The following IKZF4 variants were observed in gnomAD, a reference collection of about 807,000 sequenced individuals.
The protein encoded by IKZF4 is zinc finger protein Eos.
A neutral mutation model predicts 47.7 loss-of-function variants in IKZF4; 11 were observed. That is an observed-to-expected ratio of 0.23 (90% confidence interval 0.15 to 0.38). IKZF4 has a LOEUF of 0.38. Ranked by LOEUF, IKZF4 falls within the 10% of genes least tolerant of loss-of-function variation. The pLI, the probability that IKZF4 is intolerant of heterozygous loss-of-function variation, is 1.00. For synonymous variants in IKZF4, 298 were observed against 299.4 expected (o/e 1.00, Z 0.05); for missense variants, 557 against 784.9 (o/e 0.71, Z 3.47).
Position 56,021,501 on chromosome 12 carries a change from C to T in IKZF4, c.8C>T (p.Thr3Ile). 6.2e-7 allele frequency: 1 copy of T among 1,603,124 alleles called. No individual in the cohort carries two copies. Among genetic ancestry groups the T allele is most frequent in the Non-Finnish European group, 8.5e-7 (1 of 1,175,720 alleles). MH[T>I]PPALPRRFQG... ...TGCCACTGAGACGCAGACATGCATACACCACCCGCACTCCCTCGCCGTTTC... is the reference window on the plus strand; with the variant it reads ...TGCCACTGAGACGCAGACATGCATATACCACCCGCACTCCCTCGCCGTTTC... The change falls in exon 1 of 8, where the codon ACA becomes ATA. Residue 3 changes from threonine to isoleucine, a missense_variant. Thr to Ile is a moderately conservative substitution (Grantham distance 89). Transcript: ENST00000547167.
At chr12:56,033,105 C>G (rs772367601) in intron 6 of IKZF4, 85 bp from the exon 7 acceptor site, 183 of 1,534,112 alleles carry the variant, frequency 1.2e-4, no homozygotes, top group Non-Finnish European at 1.6e-4. Flanking sequence ...GGCTACTGAC[C>G]TGCTGGTTTT....
At chr12:56,027,565 C>A (rs1411243869) in intron 4 of IKZF4, among the ~76,000 whole-genome samples, 5 of 152,074 alleles carry the variant, frequency 3.3e-5, no homozygotes, top group African/African-American at 7.2e-5. Context: ...CCTCTCCCTG[C>A]CACACACCTC....
chr12:56,018,179 T>C, upstream of IKZF4: 1 of 1,289,342 alleles, frequency 7.8e-7, no homozygotes, highest in Non-Finnish European at 1.0e-6. Flanking sequence ...ATGTGTCTGG[T>C]ATGCCTTCTG....
chr12:56,030,622 G>A (rs895273045), intron 5 of IKZF4, among the ~76,000 whole-genome samples: 5 of 151,990 alleles, frequency 3.3e-5, no homozygotes, highest in Admixed American at 1.3e-4. Context: ...CCTGCTACTC[G>A]GGAGGCTGAG....
rs762579912 is a variant in IKZF4 at position 56,035,039 on chromosome 12, G to A, written c.1466G>A (p.Arg489Gln). Reference sequence around the variant, plus strand: ...CCACCTCCCACCATTGTGGTGGGCCGGCACAGTCCTGCCTACGCCAAAGAG... The same window carrying A: ...CCACCTCCCACCATTGTGGTGGGCCAGCACAGTCCTGCCTACGCCAAAGAG... ...PQPPPTIVVG[R>Q]HSPAYAKEDP... The change falls in exon 8 of 8, where the codon CGG (arginine) becomes CAG (glutamine). Residue 489 changes from arginine to glutamine, a missense_variant. Coordinates refer to ENST00000547167, the MANE Select transcript of IKZF4 (RefSeq NM_022465.4). The surrounding 1 kb of genome is among the most constrained non-coding windows in gnomAD (Gnocchi z 6.1). 27 of 1,564,848 alleles carry A rather than the reference G, an allele frequency of 1.7e-5. No homozygotes were observed. Among genetic ancestry groups the A allele is most frequent in the South Asian group, 2.4e-5 (2 of 82,430 alleles).
At chr12:56,019,308 T>G (rs1359353047), upstream of IKZF4, 1 of 963,038 alleles carries the variant, frequency 1.0e-6, no homozygotes, top group Middle Eastern at 5.3e-4. Flanking sequence ...GCTTATTTTT[T>G]ACTCTAAAGT....
At chr12:56,030,216 G>C (rs576973722) in intron 5 of IKZF4, among the ~76,000 whole-genome samples, 1 of 151,544 alleles carries the variant, frequency 6.6e-6, no homozygotes, top group South Asian at 2.1e-4. Context: ...AGGAGTTTGA[G>C]ACCAGCCAGA....
rs1895657551 is a variant in IKZF4 at position 56,036,652 on chromosome 12, A to C, written c.*1321A>C. On this transcript the variant is annotated 3_prime_UTR_variant, in exon 8 of 8. Coordinates refer to ENST00000547167, the MANE Select transcript of IKZF4 (RefSeq NM_022465.4). ...GTTCCAGCAAGACTGGGATGGGTACAACTGAACTGGGGTCTTCCTTTACTA... is the reference window on the plus strand; with the variant it reads ...GTTCCAGCAAGACTGGGATGGGTACCACTGAACTGGGGTCTTCCTTTACTA... 1 of 152,210 alleles carries C rather than the reference A, an allele frequency of 6.6e-6. No homozygotes were observed. Among genetic ancestry groups the C allele is most frequent in the Non-Finnish European group, 1.5e-5 (1 of 68,040 alleles). 9.4% of individuals were successfully genotyped at this position (152,210 alleles called of 1,614,324 possible).
chr12:56,029,825 C>T (rs528641771), intron 5 of IKZF4: 13 of 152,108 alleles, frequency 8.5e-5, no homozygotes, highest in Admixed American at 6.6e-5. Context: ...TAGCTGGAAC[C>T]CCATCAAGGT....
Position 56,025,077 on chromosome 12 carries a change from AAGG to A in IKZF4, c.208_210del (p.Glu70del). 2 of 1,596,954 alleles carry A rather than the reference AAGG, an allele frequency of 1.3e-6. No homozygotes were observed. The highest frequency in any genetic ancestry group is 1.7e-6 in the Non-Finnish European group (2 of 1,171,970). ...AGGTAGCGGGGACTCATCTCTGGAG[AAGG>A]AGTTCCTCGGGGCCCCAGTGGGGCC... On this transcript the variant is annotated inframe_deletion, in exon 3 of 8. Transcript: ENST00000547167.
chr12:56,019,122 A>G (rs1037420087), upstream of IKZF4, among the ~76,000 whole-genome samples: 4 of 152,212 alleles, frequency 2.6e-5, no homozygotes, highest in Admixed American at 1.3e-4. Context: ...AGGCTGAGGC[A>G]GGAGAACCCA....
intron 1 of IKZF4, among the ~76,000 whole-genome samples, chr12:56,008,073 G>A (rs1048189780): frequency 1.3e-5 from 2 of 152,206 alleles, no homozygotes; most frequent in African/African-American, 4.8e-5. Context: ...GAAGGACAGC[G>A]AGGAGAAAGG....
chr12:56,019,682 G>A (rs1449901769), upstream of IKZF4, among the ~76,000 whole-genome samples: 1 of 152,216 alleles, frequency 6.6e-6, no homozygotes, highest in Non-Finnish European at 1.5e-5. Flanking sequence ...GGAACACTCA[G>A]ATGGATAAAA....
chr12:56,014,774 C>T (rs371932801), intron 2 of IKZF4, among the ~76,000 whole-genome samples: 8 of 151,536 alleles, frequency 5.3e-5, no homozygotes, highest in African/African-American at 1.7e-4. Context: ...AGCGAGACTC[C>T]GTCTCAAAAA....
chr12:56,022,324 G>A (rs1291685083), intron 1 of IKZF4, among the ~76,000 whole-genome samples: 1 of 152,136 alleles, frequency 6.6e-6, no homozygotes, highest in Non-Finnish European at 1.5e-5. Flanking sequence ...CTACCTCCCA[G>A]TTCCTCTAAT....
At chr12:56,027,094 CA>C in intron 4 of IKZF4, 53 bp downstream of exon 4, 2 of 1,439,322 alleles carry the variant, frequency 1.4e-6, no homozygotes, top group Middle Eastern at 2.0e-4. Context: ...GGTTGAGAGG[CA>C]GGGGCAGTGC....
intron 1 of IKZF4, among the ~76,000 whole-genome samples, chr12:56,009,394 G>T (rs1192866304): frequency 6.6e-6 from 1 of 152,170 alleles, no homozygotes; most frequent in Non-Finnish European, 1.5e-5. Flanking sequence ...GTTTCGTTTG[G>T]TTGGGGTGTA....
intron 5 of IKZF4, among the ~76,000 whole-genome samples, chr12:56,030,159 T>G (rs1187075737): frequency 6.6e-6 from 1 of 152,098 alleles, no homozygotes; most frequent in Non-Finnish European, 1.5e-5. Flanking sequence ...CTCACGTCTA[T>G]CATCCCAGCA....
Position 56,032,556 on chromosome 12 carries a change from C to T in IKZF4, c.716-5C>T. 1.2e-6 allele frequency: 2 copies of T among 1,609,968 alleles called. No individual in the cohort carries two copies. Among genetic ancestry groups the T allele is most frequent in the Non-Finnish European group, 1.7e-6 (2 of 1,178,184 alleles). ...CTGATGCCATCTTTCCACTCTCCTC[C>T]ACAGTCTCCTCTCCCACAGTGGGCA... On this transcript the variant is annotated splice_region_variant and splice_polypyrimidine_tract_variant and intron_variant, in intron 5 of 7. Coordinates refer to ENST00000547167, the MANE Select transcript of IKZF4 (RefSeq NM_022465.4).
Sources: allele counts gnomAD v4.1 joint callset (sites outside exome capture counted in the v4.1 genomes callset), GRCh38; gene constraint gnomAD v4.1.1; non-coding constraint Gnocchi (gnomAD v3.1); transcripts MANE v1.5; gene names NCBI Gene and HGNC (gene_info 2026-07-23, HGNC 2026-07-21).